Variants in BHLHE40 observed in about 807,000 individuals in gnomAD.
The protein encoded by BHLHE40 is class E basic helix-loop-helix protein 40.
A neutral mutation model predicts 35.7 loss-of-function variants in BHLHE40; 3 were observed. The ratio of observed to expected loss-of-function variants is 0.08; its 90% CI spans 0.04 to 0.22. The LOEUF (loss-of-function observed/expected upper bound fraction) is 0.22. BHLHE40 is among the 10% of genes least tolerant of loss of function. The pLI is 1.00. For synonymous variants in BHLHE40, 236 were observed against 213.0 expected (o/e 1.11, Z -0.94); for missense variants, 486 against 524.0 (o/e 0.93, Z 0.71).
chr3:4,980,002 C>T lies in BHLHE40; in HGVS notation c.121C>T (p.Arg41Trp). 1 of 1,614,114 alleles carries T rather than the reference C, an allele frequency of 6.2e-7. No individual in the cohort carries two copies. The change falls in exon 2 of 5, where the codon CGG becomes TGG. Residue 41 changes from arginine to tryptophan, a missense_variant. Around this residue, in one of 5 missense-constraint regions of BHLHE40, gnomAD observed 87 missense variants for 66.7 expected, o/e 1.30. Coordinates refer to ENST00000256495, the MANE Select transcript of BHLHE40 (RefSeq NM_003670.3). ...CATGTACCAAGTGTACAAGTCAAGA[C>T]GGGGAATAAAGCGGAGCGAGGACAG... ...AHMYQVYKSR[R>W]GIKRSEDSKE...
rs918886519 is a variant in BHLHE40 at position 4,983,992 on chromosome 3, C to G, written c.*300C>G. The stretch of plus-strand genomic sequence containing the variant: ...TTGTAGCAGACGTCTGGGCTTTTCC[C>G]CACCCAGAGAATAGCCCCCTTCGAT... On this transcript the variant is annotated 3_prime_UTR_variant, in exon 5 of 5. Coordinates refer to ENST00000256495, the MANE Select transcript of BHLHE40 (RefSeq NM_003670.3). The surrounding 1 kb of genome is among the most constrained non-coding windows in gnomAD (Gnocchi z 5.0). 5 of 362,788 alleles carry G rather than the reference C, an allele frequency of 1.4e-5. No individual in the cohort carries two copies. The highest frequency in any genetic ancestry group is 2.5e-5 in the Non-Finnish European group (5 of 199,672). 22.5% of individuals were successfully genotyped at this position (362,788 alleles called of 1,614,324 possible).
chr3:4,981,599 C>A, intron 4 of BHLHE40, 84 bp downstream of exon 4: 1 of 1,503,658 alleles, frequency 6.7e-7, no homozygotes, highest in Non-Finnish European at 9.0e-7. Context: ...ATGTAATAAA[C>A]ATTACTGCAA....
rs777449592 is a variant in BHLHE40, at chr3:4,981,725, T to G, written c.382+210T>G. 3.2e-5 allele frequency: 17 copies of G among 538,004 alleles called. 2 individuals carry two copies. In the South Asian group the frequency reaches 4.5e-4, roughly 14 times the overall value. 33.3% of individuals were successfully genotyped at this position (538,004 alleles called of 1,614,324 possible). A position where few individuals can be genotyped will look rare whatever the true frequency, so the allele number is the denominator to read the frequency against. Reference sequence around the variant, plus strand: ...GCATGAATACGTATTAGTGAAATGATAAGATATTCCTGTGGCATTTTAGCT... The same window carrying G: ...GCATGAATACGTATTAGTGAAATGAGAAGATATTCCTGTGGCATTTTAGCT... On this transcript the variant is annotated intron_variant, in intron 4 of 4. Transcript: ENST00000256495.
chr3:4,980,276 C>T (rs576006160), intron 2 of BHLHE40, 25 bp from the exon 3 acceptor site: 1 of 1,604,238 alleles, frequency 6.2e-7, no homozygotes, highest in Admixed American at 1.7e-5. Context: ...CCCAAGCGCC[C>T]ACCGCCTCCC....
At position 4,983,619 on chromosome 3, in the gene BHLHE40, C is replaced by T. The variant is rs144013949; in HGVS notation, c.1166C>T (p.Pro389Leu). ...QRLPSPLPAH[P>L]SVDSSVLLQA... Reference sequence around the variant, plus strand: ...CTCCCTTCTCCCTTGCCAGCTCATCCGTCCGTCGACTCTTCTGTCTTGCTC... The same window carrying T: ...CTCCCTTCTCCCTTGCCAGCTCATCTGTCCGTCGACTCTTCTGTCTTGCTC... The change falls in exon 5 of 5, where the codon CCG (proline) becomes CTG (leucine). Residue 389 changes from proline to leucine, a missense_variant. Pro to Leu is a moderately conservative substitution (Grantham distance 98, BLOSUM62 -3). Coordinates refer to ENST00000256495, the MANE Select transcript of BHLHE40 (RefSeq NM_003670.3). The surrounding 1 kb of genome is among the most constrained non-coding windows in gnomAD (Gnocchi z 5.0). The T allele has an allele frequency of 1.5e-5, 25 of 1,614,170 alleles. No homozygotes were observed. Among genetic ancestry groups the T allele is most frequent in the Non-Finnish European group, 1.9e-5 (23 of 1,180,032 alleles).
Position 4,979,697 on chromosome 3 carries a change from A to C in BHLHE40, c.-22A>C, listed in dbSNP as rs1435442124. ...TCCGCTAGTGCAGACAGGAGCGCGC[A>C]GTGGCCCCGGCTCGCCGCGCCATGG... On this transcript the variant is annotated 5_prime_UTR_variant, in exon 1 of 5. Transcript: ENST00000256495. 6.4e-7 allele frequency: 1 copy of C among 1,550,998 alleles called. No homozygotes were observed. The highest frequency in any genetic ancestry group is 8.7e-7 in the Non-Finnish European group (1 of 1,147,242).
intron 4 of BHLHE40, 105 bp from the exon 5 acceptor site, chr3:4,982,730 AT>A (rs11398309): frequency 1.9e-3 from 2,019 of 1,083,448 alleles, no homozygotes; most frequent in South Asian, 3.1e-3. Context: ...CAGTAAATGC[AT>A]TTTTTTTTTT....
At position 4,979,646 on chromosome 3, in the gene BHLHE40, C is replaced by T; in HGVS notation, c.-73C>T. On this transcript the variant is annotated 5_prime_UTR_variant, in exon 1 of 5. Coordinates refer to ENST00000256495, the MANE Select transcript of BHLHE40 (RefSeq NM_003670.3). ...TCTGCGGAGAGACCCCCGAAGCCCTCTCCAGGGCAGTCCTCATCCAGACGC... is the reference window on the plus strand; with the variant it reads ...TCTGCGGAGAGACCCCCGAAGCCCTTTCCAGGGCAGTCCTCATCCAGACGC... 3 of 1,488,898 alleles carry T rather than the reference C, an allele frequency of 2.0e-6. No homozygotes were observed. The highest frequency in any genetic ancestry group is 2.7e-6 in the Non-Finnish European group (3 of 1,094,322). 92.2% of individuals were successfully genotyped at this position (1,488,898 alleles called of 1,614,324 possible).
chr3:4,982,774 A>G (rs2053208772), intron 4 of BHLHE40, 62 bp from the exon 5 acceptor site: 3 of 1,586,380 alleles, frequency 1.9e-6, no homozygotes, highest in East Asian at 2.2e-5. Flanking sequence ...TTTTTGGAGT[A>G]TAGTTTCCAG....
intron 4 of BHLHE40, among the ~76,000 whole-genome samples, chr3:4,982,286 G>A (rs774543720): frequency 6.6e-6 from 1 of 152,206 alleles, no homozygotes; most frequent in Non-Finnish European, 1.5e-5. Context: ...ATCATGGATA[G>A]AATATGTGGA....
At chr3:4,981,591 G>T in intron 4 of BHLHE40, 76 bp downstream of exon 4, 1 of 1,532,530 alleles carries the variant, frequency 6.5e-7, no homozygotes, top group Non-Finnish European at 8.8e-7. Context: ...AACATCTGAT[G>T]TAATAAACAT....
intron 1 of BHLHE40, 30 bp downstream of exon 1, chr3:4,979,828 C>G (rs367638183): frequency 6.3e-7 from 1 of 1,591,372 alleles, no homozygotes; most frequent in African/African-American, 1.3e-5. Flanking sequence ...CCCTTCAAGC[C>G]TCAACTGCAG....
chr3:4,983,834 G>GTGTGTGTGTGTGTGTGTGTGTA lies in BHLHE40; in HGVS notation c.*147_*168dup. On this transcript the variant is annotated 3_prime_UTR_variant, in exon 5 of 5. Coordinates refer to ENST00000256495, the MANE Select transcript of BHLHE40 (RefSeq NM_003670.3). This position sits in a 1 kb window ranked among gnomAD's most constrained non-coding sequence, Gnocchi z 5.0. ...GGCATGGAGAGCAGATTCAGGGTGT[G>GTGTGTGTGTGTGTGTGTGTGTA]TGTGTGTGTGTGTGTGTGTGTATGT... The GTGTGTGTGTGTGTGTGTGTGTA allele has an allele frequency of 2.1e-6, 2 of 951,960 alleles. No individual in the cohort carries two copies. Among genetic ancestry groups the GTGTGTGTGTGTGTGTGTGTGTA allele is most frequent in the South Asian group, 3.3e-5 (2 of 60,276 alleles). The allele number at this position is 951,960 out of a possible 1,614,324, so 59.0% of individuals were successfully genotyped here.
intron 3 of BHLHE40, 93 bp downstream of exon 3, chr3:4,980,501 AC>A: frequency 1.9e-6 from 2 of 1,043,434 alleles, no homozygotes; most frequent in Non-Finnish European, 2.9e-6. Context: ...GGAACTGCAG[AC>A]CAGACTGGCG....
In BHLHE40 at chr3:4,983,604, C is replaced by T. The variant is rs1453856990; in HGVS notation, c.1151C>T (p.Pro384Leu). ...CTCATGCCCCAGAGACTCCCTTCTC[C>T]CTTGCCAGCTCATCCGTCCGTCGAC... Reference protein sequence around the residue: ...PLLMPQRLPSPLPAHPSVDSS... With the variant: ...PLLMPQRLPSLLPAHPSVDSS... Residue 384 changes from proline to leucine, a missense_variant, in exon 5 of 5, where the codon CCC becomes CTC. Transcript: ENST00000256495. The surrounding 1 kb of genome is among the most constrained non-coding windows in gnomAD (Gnocchi z 5.0). The T allele has an allele frequency of 1.2e-6, 2 of 1,614,050 alleles. No individual in the cohort carries two copies. Among genetic ancestry groups the T allele is most frequent in the Non-Finnish European group, 1.7e-6 (2 of 1,180,036 alleles).
chr3:4,983,486 C>A lies in BHLHE40; in HGVS notation c.1033C>A (p.Pro345Thr). 1.9e-6 allele frequency: 3 copies of A among 1,614,172 alleles called. No individual in the cohort carries two copies. The South Asian group carries it at 3.3e-5, about 18-fold the overall frequency. The change falls in exon 5 of 5, where the codon CCC becomes ACC. Residue 345 changes from proline to threonine, a missense_variant. Physicochemically the swap from Pro to Thr is conservative, Grantham distance 38 (BLOSUM62 -1). Coordinates refer to ENST00000256495, the MANE Select transcript of BHLHE40 (RefSeq NM_003670.3). This position sits in a 1 kb window ranked among gnomAD's most constrained non-coding sequence, Gnocchi z 5.0. ...YLPMLEKCWY[P>T]TSVPVLYPGL... is the part of the protein sequence containing the mutation. Reference sequence around the variant, plus strand: ...GCCCATGCTGGAGAAGTGCTGGTATCCCACCTCAGTGCCAGTGCTATACCC... The same window carrying A: ...GCCCATGCTGGAGAAGTGCTGGTATACCACCTCAGTGCCAGTGCTATACCC...
In BHLHE40 at chr3:4,980,023, G is replaced by A. The variant is rs1486065195; in HGVS notation, c.142G>A (p.Asp48Asn). 2.5e-6 allele frequency: 4 copies of A among 1,614,054 alleles called. No homozygotes were observed. Among genetic ancestry groups the A allele is most frequent in the Non-Finnish European group, 2.5e-6 (3 of 1,180,024 alleles). ...AAGACGGGGAATAAAGCGGAGCGAG[G>A]ACAGCAAGGTAAGCAAGTGCACCCC... is the stretch of plus-strand genomic sequence containing the variant. Reference protein sequence around the residue: ...KSRRGIKRSEDSKETYKLPHR... With the variant: ...KSRRGIKRSENSKETYKLPHR... The change falls in exon 2 of 5, where the codon GAC becomes AAC. Residue 48 changes from aspartate to asparagine, a missense_variant. By Grantham distance (23) the Asp-to-Asn change is conservative. Coordinates refer to ENST00000256495, the MANE Select transcript of BHLHE40 (RefSeq NM_003670.3).
At chr3:4,982,185 C>A (rs1022530833) in intron 4 of BHLHE40, among the ~76,000 whole-genome samples, 1 of 152,174 alleles carries the variant, frequency 6.6e-6, no homozygotes, top group Admixed American at 6.5e-5. Context: ...CTCTCGAAGG[C>A]TCGTATGATG....
In BHLHE40 at chr3:4,983,785, A is replaced by G; in HGVS notation, c.*93A>G. On this transcript the variant is annotated 3_prime_UTR_variant, in exon 5 of 5. Coordinates refer to ENST00000256495, the MANE Select transcript of BHLHE40 (RefSeq NM_003670.3). This position sits in a 1 kb window ranked among gnomAD's most constrained non-coding sequence, Gnocchi z 5.0. ...TTTGTGAATGCTGCAAGATTGTTGC[A>G]TTGTGTATACTGAGATAATCTGAGG... 1.4e-6 allele frequency: 2 copies of G among 1,443,990 alleles called. No homozygotes were observed. Among genetic ancestry groups the G allele is most frequent in the Non-Finnish European group, 1.9e-6 (2 of 1,077,564 alleles). The allele number at this position is 1,443,990 out of a possible 1,614,324, so 89.4% of individuals were successfully genotyped here.
Sources: gnomAD v4.1 joint callset for allele counts (sites outside exome capture counted in the v4.1 genomes callset) on GRCh38, gnomAD v4.1.1 for gene constraint, gnomAD v4.1.1 regional missense constraint, Gnocchi (gnomAD v3.1) non-coding constraint, MANE v1.5 for transcripts, NCBI Gene and HGNC (gene_info 2026-07-23, HGNC 2026-07-21) for gene names.